Variants in PABPC4L observed in about 807,000 individuals in gnomAD.
PABPC4L encodes poly(A) binding protein cytoplasmic 4 like, also known as polyadenylate-binding protein 4-like.
For missense variants in PABPC4L, 452 were observed against 451.4 expected (o/e 1.00, Z -0.01); for synonymous variants, 169 against 164.1 (o/e 1.03, Z -0.23).
downstream of PABPC4L, among the ~76,000 whole-genome samples, chr4:134,192,868 T>C (rs1171773069): frequency 6.6e-6 from 1 of 152,134 alleles, no homozygotes; most frequent in Admixed American, 6.6e-5. Flanking sequence ...ATAAGTGAGA[T>C]AGACAAGTGC....
chr4:134,053,801 C>T, the PABPC4L span, among the ~76,000 whole-genome samples: 7 of 151,860 alleles, frequency 4.6e-5, no homozygotes, highest in South Asian at 8.3e-4. Context: ...ACTCAAAATT[C>T]GGAATATTGT....
chr4:134,184,751 T>C, the PABPC4L span, among the ~76,000 whole-genome samples: 2 of 152,192 alleles, frequency 1.3e-5, no homozygotes, highest in South Asian at 2.1e-4. Flanking sequence ...TGTTTAGTTA[T>C]GGAATAAACT....
the PABPC4L span, among the ~76,000 whole-genome samples, chr4:134,133,087 AATTATATATTACATATAATTATAT>A: frequency 7.6e-6 from 1 of 131,892 alleles, no homozygotes; most frequent in Non-Finnish European, 1.5e-5. Flanking sequence ...CATATTATAT[AATTATATATTACATATAATTATAT>A]ATTATATAAT....
At chr4:134,148,614 C>T in the PABPC4L span, among the ~76,000 whole-genome samples, 1 of 152,088 alleles carries the variant, frequency 6.6e-6, no homozygotes, top group African/African-American at 2.4e-5. Flanking sequence ...CAGATTGTGT[C>T]TTATGCAATT....
the PABPC4L span, among the ~76,000 whole-genome samples, chr4:133,976,832 C>T: frequency 1.3e-4 from 20 of 151,918 alleles, no homozygotes; most frequent in Admixed American, 5.2e-4. Context: ...TGTAAATTTG[C>T]GTGAGTTCCT....
downstream of PABPC4L, among the ~76,000 whole-genome samples, chr4:134,194,515 T>C (rs1166720343): frequency 1.3e-5 from 2 of 151,828 alleles, no homozygotes; most frequent in East Asian, 3.9e-4. Context: ...GTTACAATGA[T>C]TGGTTAAGAA....
the PABPC4L span, among the ~76,000 whole-genome samples, chr4:134,119,953 A>G: frequency 4.6e-5 from 7 of 151,622 alleles, no homozygotes; most frequent in Non-Finnish European, 4.4e-5. Flanking sequence ...CACATTTTTA[A>G]TCCATTTTAA....
chr4:134,136,262 T>A, the PABPC4L span, among the ~76,000 whole-genome samples: 1 of 152,174 alleles, frequency 6.6e-6, no homozygotes, highest in Non-Finnish European at 1.5e-5. Context: ...AGCTTGTTCA[T>A]GTTGAGCCAG....
chr4:133,971,865 A>G, the PABPC4L span, among the ~76,000 whole-genome samples: 1 of 152,314 alleles, frequency 6.6e-6, no homozygotes, highest in Non-Finnish European at 1.5e-5. Flanking sequence ...TTCCTCAGGA[A>G]TGTATTGTCT....
At chr4:134,071,171 T>C in the PABPC4L span, among the ~76,000 whole-genome samples, 8 of 152,192 alleles carry the variant, frequency 5.3e-5, no homozygotes, top group Non-Finnish European at 7.3e-5. Flanking sequence ...GTTCAGCTCA[T>C]GGCTTCCTGA....
chr4:134,105,474 G>C, the PABPC4L span, among the ~76,000 whole-genome samples: 2 of 151,452 alleles, frequency 1.3e-5, no homozygotes, highest in African/African-American at 4.8e-5. Context: ...ACTTCTAAGA[G>C]GCCAATAAAA....
the PABPC4L span, among the ~76,000 whole-genome samples, chr4:134,167,683 G>A: frequency 1.3e-5 from 2 of 151,424 alleles, no homozygotes. Flanking sequence ...TCTGTAAAAA[G>A]AGACAAAGAA....
the PABPC4L span, among the ~76,000 whole-genome samples, chr4:134,068,645 G>A: frequency 6.6e-6 from 1 of 151,920 alleles, no homozygotes; most frequent in Non-Finnish European, 1.5e-5. Context: ...TTTTGTGGTG[G>A]CTATTAGGTG....
At chr4:134,163,511 G>A in the PABPC4L span, among the ~76,000 whole-genome samples, 2 of 152,096 alleles carry the variant, frequency 1.3e-5, no homozygotes, top group Non-Finnish European at 2.9e-5. Context: ...TGTGAAGTCA[G>A]CATCACCCTG....
chr4:134,000,912 T>C, the PABPC4L span, among the ~76,000 whole-genome samples: 6 of 152,124 alleles, frequency 3.9e-5, 1 homozygote, highest in African/African-American at 1.4e-4. Flanking sequence ...TCTCCAGCTT[T>C]CTGATGGCAG....
At chr4:133,957,962 T>C in the PABPC4L span, among the ~76,000 whole-genome samples, 2 of 152,210 alleles carry the variant, frequency 1.3e-5, no homozygotes, top group African/African-American at 4.8e-5. Context: ...TCTATGCCTC[T>C]GAGCTAGTGA....
the PABPC4L span, among the ~76,000 whole-genome samples, chr4:134,163,376 A>T: frequency 6.6e-6 from 1 of 152,162 alleles, no homozygotes; most frequent in Non-Finnish European, 1.5e-5. Context: ...AAAAAATGAC[A>T]TCAAAAAAGC....
At chr4:134,015,501 C>A in the PABPC4L span, among the ~76,000 whole-genome samples, 4 of 152,160 alleles carry the variant, frequency 2.6e-5, no homozygotes, top group Admixed American at 2.6e-4. Context: ...ACTCATTAGG[C>A]TCAGCAAATT....
the PABPC4L span, among the ~76,000 whole-genome samples, chr4:134,088,846 T>A: frequency 6.6e-6 from 1 of 152,144 alleles, no homozygotes; most frequent in African/African-American, 2.4e-5. Flanking sequence ...ATCATTATAT[T>A]CATTATGTCC....
Sources: allele counts gnomAD v4.1 joint callset (sites outside exome capture counted in the v4.1 genomes callset), GRCh38; gene constraint gnomAD v4.1.1; transcripts MANE v1.5; gene names NCBI Gene and HGNC (gene_info 2026-07-23, HGNC 2026-07-21).